Variants in WDR31 observed in about 807,000 individuals in gnomAD.
WDR31 encodes the protein WD repeat domain 31, also known as WD repeat-containing protein 31.
A neutral mutation model predicts 47.3 loss-of-function variants in WDR31; 30 were observed. The observed-to-expected ratio is 0.63, with a 90% CI of 0.47 to 0.86. The LOEUF is 0.86. Ranked by LOEUF, WDR31 falls within the 40% of genes least tolerant of loss-of-function variation. WDR31 has a pLI of 0.00. For synonymous variants in WDR31, 137 were observed against 159.4 expected (o/e 0.86, Z 1.06); for missense variants, 406 against 442.9 (o/e 0.92, Z 0.75).
intron 5 of WDR31, among the ~76,000 whole-genome samples, chr9:113,324,840 G>GTGTA (rs1372095194): frequency 1.8e-5 from 2 of 110,392 alleles, no homozygotes; most frequent in African/African-American, 6.7e-5. Context: ...GTGTGTGTGT[G>GTGTA]TGTGTGTGTG....
chr9:113,332,012 A>G lies in WDR31; in HGVS notation c.11T>C (p.Leu4Pro). ...AGGAGCTTGTTTCAGTTGGCACCTG[A>G]GTAGCAGCATCCCTTGTGGCTGCTG... MLL[L>P]RCQLKQAPPQ... The change falls in exon 3 of 11, where the codon CTC (leucine) becomes CCC (proline). Residue 4 changes from leucine (L) to proline (P), a missense_variant. Coordinates refer to ENST00000374193, the MANE Select transcript of WDR31 (RefSeq NM_001012361.4). The G allele has an allele frequency of 6.2e-7, 1 of 1,613,952 alleles. No homozygotes were observed. The highest frequency in any genetic ancestry group is 8.5e-7 in the Non-Finnish European group (1 of 1,179,840).
chr9:113,323,896 T>C (rs1212480596), intron 5 of WDR31, among the ~76,000 whole-genome samples: 1 of 152,262 alleles, frequency 6.6e-6, no homozygotes, highest in African/African-American at 2.4e-5. Context: ...CTCTGTTCCA[T>C]TTTATGCTTT....
chr9:113,333,347 T>TTA (rs1209688649), intron 2 of WDR31, among the ~76,000 whole-genome samples: 3 of 144,526 alleles, frequency 2.1e-5, no homozygotes, highest in African/African-American at 7.3e-5. Flanking sequence ...TTCTAAAAGG[T>TTA]TATAACCTTC....
intron 5 of WDR31, among the ~76,000 whole-genome samples, chr9:113,326,371 T>TC (rs765111025): frequency 6.6e-6 from 1 of 151,078 alleles, no homozygotes; most frequent in East Asian, 1.9e-4. Flanking sequence ...TCCTTTCCTT[T>TC]CTTTCTTTCT....
In WDR31 at chr9:113,316,426, C is replaced by A. The variant is rs578167847; in HGVS notation, c.*323G>T. On this transcript the variant is annotated 3_prime_UTR_variant, in exon 11 of 11. Coordinates refer to ENST00000374193, the MANE Select transcript of WDR31 (RefSeq NM_001012361.4). ...GTGTTCTGACTTTCACAGACAGAGG[C>A]CTGCCACTCTTACATTTACAGGTCA... 5 of 209,356 alleles carry A rather than the reference C, an allele frequency of 2.4e-5. No individual in the cohort carries two copies. Among genetic ancestry groups the A allele is most frequent in the Non-Finnish European group, 4.8e-5 (5 of 104,420 alleles). The allele number at this position is 209,356 out of a possible 1,614,324, so 13.0% of individuals were successfully genotyped here.
chr9:113,328,751 T>C (rs942963483), intron 5 of WDR31, 130 bp downstream of exon 5: 10 of 758,202 alleles, frequency 1.3e-5, no homozygotes, highest in Non-Finnish European at 2.0e-5. Flanking sequence ...TGAAGTAGGA[T>C]TTCACAGCAT....
Position 113,328,907 on chromosome 9 carries a change from T to C in WDR31, c.298A>G (p.Lys100Glu), listed in dbSNP as rs376449547. ...WKTGNVVKRF[K>E]GHEHEITKVA... ...TTGGTGATCTCATGTTCATGTCCTT[T>C]GAACCTTTTCACCACATTTCCAGTT... Residue 100 changes from lysine (K) to glutamate (E), a missense_variant, in exon 5 of 11, where the codon AAA (lysine) becomes GAA (glutamate). Transcript: ENST00000374193. 92 of 1,614,028 alleles carry C rather than the reference T, an allele frequency of 5.7e-5. No individual in the cohort carries two copies. Among genetic ancestry groups the C allele is most frequent in the Non-Finnish European group, 7.5e-5 (88 of 1,179,956 alleles).
chr9:113,320,592 T>C, intron 8 of WDR31, 94 bp from the exon 9 acceptor site: 1 of 1,475,546 alleles, frequency 6.8e-7, no homozygotes, highest in Non-Finnish European at 9.1e-7. Flanking sequence ...GGCTCTTTGC[T>C]GCATAGGCCA....
intron 1 of WDR31, among the ~76,000 whole-genome samples, chr9:113,339,111 G>C (rs12337069): frequency 2.0e-5 from 3 of 152,076 alleles, no homozygotes; most frequent in Non-Finnish European, 2.9e-5. Context: ...ACCAGGCCTC[G>C]GTCTGAATCC....
chr9:113,329,637 G>T (rs1258385144), intron 4 of WDR31, among the ~76,000 whole-genome samples: 1 of 151,496 alleles, frequency 6.6e-6, no homozygotes, highest in Non-Finnish European at 1.5e-5. Context: ...ATTAAACTAT[G>T]ATACTTCGAT....
chr9:113,317,724 T>G (rs1387423375), intron 10 of WDR31, among the ~76,000 whole-genome samples: 1 of 152,206 alleles, frequency 6.6e-6, no homozygotes, highest in African/African-American at 2.4e-5. Context: ...TTAAAGTTCT[T>G]TAAGGCAATG....
At chr9:113,320,213 G>A (rs944044681) in intron 9 of WDR31, 144 bp downstream of exon 9, 1 of 1,083,374 alleles carries the variant, frequency 9.2e-7, no homozygotes, top group African/African-American at 1.6e-5. Context: ...CAACTGGAAT[G>A]CAAAGGATCA....
In WDR31 at chr9:113,340,205, C is replaced by T. The variant is rs1422332559; in HGVS notation, c.-182+12G>A. On this transcript the variant is annotated intron_variant, in intron 1 of 10. Transcript: ENST00000374193. ...CTATGCCCCTTTCTCCCACCTCAGGCTCAGTACCCACCGGTGGGCTGCGGG... is the reference window on the plus strand; with the variant it reads ...CTATGCCCCTTTCTCCCACCTCAGGTTCAGTACCCACCGGTGGGCTGCGGG... The T allele has an allele frequency of 6.6e-6, 1 of 152,342 alleles. No individual in the cohort carries two copies. The highest frequency in any genetic ancestry group is 1.5e-5 in the Non-Finnish European group (1 of 68,128). 9.4% of individuals were successfully genotyped at this position (152,342 alleles called of 1,614,324 possible). A position where few individuals can be genotyped will look rare whatever the true frequency, so the allele number is the denominator to read the frequency against.
chr9:113,327,998 T>A (rs1020088745), intron 5 of WDR31, among the ~76,000 whole-genome samples: 1 of 152,128 alleles, frequency 6.6e-6, no homozygotes, highest in Non-Finnish European at 1.5e-5. Context: ...CCCAAAGCAC[T>A]GGGATTACAG....
intron 5 of WDR31, among the ~76,000 whole-genome samples, chr9:113,326,191 G>T (rs1213065832): frequency 6.6e-6 from 1 of 152,168 alleles, no homozygotes; most frequent in Non-Finnish European, 1.5e-5. Context: ...GATTACAGGC[G>T]TGAGCCACCG....
At chr9:113,335,610 CAGA>C (rs1833700484) in intron 2 of WDR31, among the ~76,000 whole-genome samples, 1 of 152,096 alleles carries the variant, frequency 6.6e-6, no homozygotes. Flanking sequence ...TGGAGTTTTC[CAGA>C]AGAATTTCAG....
intron 5 of WDR31, among the ~76,000 whole-genome samples, chr9:113,324,650 A>G (rs983149183): frequency 2.6e-5 from 4 of 151,990 alleles, no homozygotes; most frequent in South Asian, 2.1e-4. Flanking sequence ...TGGGCCTCCC[A>G]CAATGCTGGG....
In WDR31 at chr9:113,331,004, C is replaced by G; in HGVS notation, c.229G>C (p.Val77Leu). The G allele has an allele frequency of 6.2e-7, 1 of 1,609,736 alleles. No homozygotes were observed. The highest frequency in any genetic ancestry group is 8.5e-7 in the Non-Finnish European group (1 of 1,176,712). The change falls in exon 4 of 11, where the codon GTC becomes CTC. Residue 77 changes from valine to leucine, a missense_variant. By Grantham distance (32) the Val-to-Leu change is conservative. Transcript: ENST00000374193. The part of the protein sequence containing the change: ...VVAALNSDLC[V>L]SGGKDKTVVA... ...CCCACCTTATCTTTCCCTCCAGAGA[C>G]ACAAAGGTCTGAGTTCAAAGCAGCC... is the stretch of plus-strand genomic sequence containing the variant.
chr9:113,325,081 G>A lies in WDR31; in HGVS notation c.325-1926C>T, dbSNP rs569624497. Among the ~76,000 whole-genome samples the A allele has an allele frequency of 3.3e-5, 5 of 151,978 alleles. No individual in the cohort carries two copies. In the East Asian group the frequency reaches 9.7e-4, roughly 29 times the overall value. The stretch of plus-strand genomic sequence containing the variant: ...CTGTCTCAGCCTCCTGCATAGCTGG[G>A]ATTACAGGTGTGTGCCACCATGCCT... On this transcript the variant is annotated intron_variant, in intron 5 of 10. Transcript: ENST00000374193.
Sources: gnomAD v4.1 joint callset for allele counts (sites outside exome capture counted in the v4.1 genomes callset) on GRCh38, gnomAD v4.1.1 for gene constraint, MANE v1.5 for transcripts, NCBI Gene and HGNC (gene_info 2026-07-23, HGNC 2026-07-21) for gene names.